TENM3: variants seen among roughly 807,000 people sequenced by gnomAD.
The protein encoded by TENM3 is teneurin transmembrane protein 3, also known as teneurin-3.
A neutral mutation model predicts 255.1 loss-of-function variants in TENM3; 63 were observed. The ratio of observed to expected loss-of-function variants is 0.25; its 90% confidence interval spans 0.20 to 0.30. The LOEUF is 0.30. TENM3 is among the 10% of genes least tolerant of loss of function. The pLI, the probability that TENM3 is intolerant of heterozygous loss-of-function variation, is 1.00. For synonymous variants in TENM3, 1,306 were observed against 1,322.3 expected, an observed-to-expected ratio of 0.99 and a Z score of 0.27; for missense variants, 2,929 against 3,461.1, an observed-to-expected ratio of 0.85 and a Z score of 3.86.
chr4:182,364,755 T>C (rs1216782767), intron 3 of TENM3, among the ~76,000 whole-genome samples: 1 of 152,162 alleles, frequency 6.6e-6, no homozygotes, highest in East Asian at 1.9e-4. Context: ...CACATGCTAT[T>C]GGATTTTTTT....
chr4:182,028,253 G>A, the TENM3 span, among the ~76,000 whole-genome samples: 2 of 152,006 alleles, frequency 1.3e-5, no homozygotes, highest in Non-Finnish European at 2.9e-5. Context: ...CAGTTTATTG[G>A]TATATACTTG....
At chr4:181,835,625 T>A in the TENM3 span, among the ~76,000 whole-genome samples, 1 of 152,208 alleles carries the variant, frequency 6.6e-6, no homozygotes, top group Non-Finnish European at 1.5e-5. Context: ...TTCAGGAGAA[T>A]CTATTGCATA....
the TENM3 span, among the ~76,000 whole-genome samples, chr4:181,532,242 G>T: frequency 6.6e-6 from 1 of 152,138 alleles, no homozygotes; most frequent in East Asian, 1.9e-4. Context: ...GATCTAAATG[G>T]AGGAGGGCAA....
At chr4:181,493,423 G>A in the TENM3 span, among the ~76,000 whole-genome samples, 2,403 of 152,160 alleles carry the variant, frequency 0.016, 73 homozygotes, top group African/African-American at 0.054. Context: ...TCTCTGGAGA[G>A]GAGTGGTTTA....
chr4:182,128,750 T>C, the TENM3 span, among the ~76,000 whole-genome samples: 10,548 of 152,266 alleles, frequency 0.069, 464 homozygotes, highest in East Asian at 0.15. Context: ...AAATTTATCA[T>C]TAAATAGGTA....
chr4:182,496,171 T>G (rs1191168536), intron 3 of TENM3, among the ~76,000 whole-genome samples: 1 of 152,196 alleles, frequency 6.6e-6, no homozygotes, highest in Non-Finnish European at 1.5e-5. Context: ...TGTTCTTGGT[T>G]TACTCATATT....
chr4:181,508,307 C>T, the TENM3 span, among the ~76,000 whole-genome samples: 1 of 152,184 alleles, frequency 6.6e-6, no homozygotes, highest in Admixed American at 6.5e-5. Flanking sequence ...CAGCAGGGGT[C>T]CTAACAAATC....
At chr4:182,013,126 T>C in the TENM3 span, among the ~76,000 whole-genome samples, 1 of 152,162 alleles carries the variant, frequency 6.6e-6, no homozygotes, top group African/African-American at 2.4e-5. Flanking sequence ...CAAATGGGTG[T>C]GTTTAATTCC....
the TENM3 span, among the ~76,000 whole-genome samples, chr4:181,934,224 A>C: frequency 6.6e-6 from 1 of 152,184 alleles, no homozygotes; most frequent in Non-Finnish European, 1.5e-5. Flanking sequence ...TCACATTGCT[A>C]TCCCATTCTT....
chr4:181,966,989 A>ATC, the TENM3 span, among the ~76,000 whole-genome samples: 60 of 147,294 alleles, frequency 4.1e-4, no homozygotes, highest in African/African-American at 7.5e-4. Context: ...CTCACACCAT[A>ATC]TCTCTCTCTC....
the TENM3 span, among the ~76,000 whole-genome samples, chr4:181,761,007 CA>C: frequency 1.1e-5 from 1 of 87,658 alleles, no homozygotes; most frequent in Non-Finnish European, 2.8e-5. Flanking sequence ...CACACACACA[CA>C]CACACCCCGA....
rs147269509 is a variant in TENM3, at chr4:182,680,666, G to C, written c.1763G>C (p.Gly588Ala). Residue 588 changes from glycine (G) to alanine (A), a missense_variant, in exon 10 of 28, where the codon GGG becomes GCG. Physicochemically the swap from Gly to Ala is moderately conservative, Grantham distance 60. Coordinates refer to ENST00000511685, the MANE Select transcript of TENM3 (RefSeq NM_001080477.4). Reference protein sequence around the residue: ...PTTQCIDPQCGGRGICIMGSC... With the variant: ...PTTQCIDPQCAGRGICIMGSC... Reference sequence around the variant, plus strand: ...ACCCAGTGTATTGACCCACAGTGTGGGGGTCGTGGGATTTGTATCATGGGC... The same window carrying C: ...ACCCAGTGTATTGACCCACAGTGTGCGGGTCGTGGGATTTGTATCATGGGC... 0.01 allele frequency: 16,659 copies of C among 1,607,410 alleles called. 127 individuals are homozygous for C. The highest frequency in any genetic ancestry group is 0.013 in the Non-Finnish European group (14,835 of 1,177,678).
At chr4:181,926,044 G>A in the TENM3 span, among the ~76,000 whole-genome samples, 2 of 152,162 alleles carry the variant, frequency 1.3e-5, no homozygotes, top group Non-Finnish European at 2.9e-5. Context: ...TTCACTTGAA[G>A]ATAACTAAAG....
intron 6 of TENM3, among the ~76,000 whole-genome samples, chr4:182,655,040 A>G (rs1753638414): frequency 6.6e-6 from 1 of 152,216 alleles, no homozygotes. Flanking sequence ...ACCCACCTAA[A>G]GTAGACAGTG....
At chr4:182,591,204 C>T (rs574300542) in intron 3 of TENM3, among the ~76,000 whole-genome samples, 2 of 151,754 alleles carry the variant, frequency 1.3e-5, no homozygotes, top group East Asian at 3.9e-4. Flanking sequence ...TCTAGGTTGC[C>T]GCATTGTCTG....
chr4:182,159,819 A>G (rs994077543), intron 1 of TENM3, among the ~76,000 whole-genome samples: 5 of 152,162 alleles, frequency 3.3e-5, no homozygotes, highest in African/African-American at 7.2e-5. Context: ...CTGACGGTCC[A>G]CAGTTGCTTC....
chr4:181,920,142 A>G, the TENM3 span, among the ~76,000 whole-genome samples: 1 of 152,016 alleles, frequency 6.6e-6, no homozygotes, highest in African/African-American at 2.4e-5. Context: ...ATTGTTGGAC[A>G]TTTGGGTTTG....
intron 1 of TENM3, among the ~76,000 whole-genome samples, chr4:182,188,984 G>T (rs1018088822): frequency 6.6e-6 from 1 of 151,916 alleles, no homozygotes; most frequent in Non-Finnish European, 1.5e-5. Flanking sequence ...TTAATATTTT[G>T]ATTTTAATCA....
intron 1 of TENM3, among the ~76,000 whole-genome samples, chr4:182,309,786 T>TC (rs1165642724): frequency 1.3e-5 from 2 of 152,096 alleles, no homozygotes; most frequent in African/African-American, 4.8e-5. Flanking sequence ...GCAAACCAGC[T>TC]CCCCCAGATT....
Sources: gnomAD v4.1 joint callset for allele counts (sites outside exome capture counted in the v4.1 genomes callset) on GRCh38, gnomAD v4.1.1 for gene constraint, MANE v1.5 for transcripts, NCBI Gene and HGNC (gene_info 2026-07-23, HGNC 2026-07-21) for gene names.